KIF19: variants seen among roughly 807,000 people sequenced by gnomAD.
KIF19 encodes kinesin family member 19, also known as kinesin-like protein KIF19.
A neutral mutation model predicts 106.6 loss-of-function variants in KIF19; 98 were observed. The observed-to-expected ratio is 0.92, with a 90% CI of 0.78 to 1.09. The LOEUF (loss-of-function observed/expected upper bound fraction) is 1.09. Among genes scored for constraint, KIF19 ranks in the 50% least tolerant of loss-of-function variants. The pLI is 0.00. For missense variants in KIF19, 1,373 were observed against 1,414.3 expected (o/e 0.97, Z 0.47); for synonymous variants, 516 against 584.2 (o/e 0.88, Z 1.68).
At chr17:74,333,550 C>G (rs980251400) in intron 2 of KIF19, among the ~76,000 whole-genome samples, 1 of 151,802 alleles carries the variant, frequency 6.6e-6, no homozygotes, top group Non-Finnish European at 1.5e-5. Context: ...TTAGTAGAGA[C>G]GGGTTTCCTC....
intron 10 of KIF19, 117 bp from the exon 11 acceptor site, chr17:74,350,284 A>G: frequency 1.1e-6 from 1 of 923,272 alleles, no homozygotes; most frequent in African/African-American, 1.7e-5. Context: ...AAGCAGTTGG[A>G]CAGGAAGTGG....
In KIF19 at chr17:74,339,621, G is replaced by A. The variant is rs536722708; in HGVS notation, c.121-2255G>A. On this transcript the variant is annotated intron_variant, in intron 2 of 19. Coordinates refer to ENST00000389916, the MANE Select transcript of KIF19 (RefSeq NM_153209.4). ...CGCATGAGATGCCCATGCTGGCTGA[G>A]GCTGCCGTCATGCACTCCGTTCAGC... is the stretch of plus-strand genomic sequence containing the variant. Among the ~76,000 whole-genome samples the A allele has an allele frequency of 1.0e-3, 153 of 152,208 alleles. 1 individual carries two copies. The highest frequency in any genetic ancestry group is 1.9e-3 in the Non-Finnish European group (127 of 67,990).
chr17:74,340,073 G>T lies in KIF19; in HGVS notation c.121-1803G>T, dbSNP rs536625694. Reference sequence around the variant, plus strand: ...CCAAGCACATTACACGTTGTTCCAGGGTCTTCCCAGCGCTGCAGGTGGATC... The same window carrying T: ...CCAAGCACATTACACGTTGTTCCAGTGTCTTCCCAGCGCTGCAGGTGGATC... On this transcript the variant is annotated intron_variant, in intron 2 of 19. Transcript: ENST00000389916. Among the ~76,000 whole-genome samples, 6 of 152,234 alleles carry T rather than the reference G, an allele frequency of 3.9e-5. No homozygotes were observed. In the South Asian group the frequency reaches 1.0e-3, roughly 26 times the overall value.
rs184375611 is a variant in KIF19 at position 74,352,678 on chromosome 17, G to A, written c.1981-143G>A. On this transcript the variant is annotated intron_variant, in intron 14 of 19. Coordinates refer to ENST00000389916, the MANE Select transcript of KIF19 (RefSeq NM_153209.4). ...CTAGCAGACCACAGCTTAACCCCGA[G>A]GACCCAAACACAAGCCCACTGCCCT... 39 of 1,024,362 alleles carry A rather than the reference G, an allele frequency of 3.8e-5. No individual in the cohort carries two copies. The African/African-American group carries it at 5.4e-4, about 14-fold the overall frequency. The allele number at this position is 1,024,362 out of a possible 1,614,324, so 63.5% of individuals were successfully genotyped here.
intron 12 of KIF19, 44 bp from the exon 13 acceptor site, chr17:74,351,823 G>A: frequency 1.5e-6 from 2 of 1,370,480 alleles, no homozygotes; most frequent in Non-Finnish European, 1.9e-6. Flanking sequence ...AGGCGGATCG[G>A]ACCCCTCTCC....
chr17:74,333,361 A>ATTTTTTTTTTTTTTTT (rs35232394), intron 2 of KIF19, among the ~76,000 whole-genome samples: 1 of 129,482 alleles, frequency 7.7e-6, no homozygotes, highest in East Asian at 2.3e-4. Flanking sequence ...TGTGGTCCTA[A>ATTTTTTTTTTTTTTTT]TTTTTTTTTT....
At chr17:74,334,538 G>T (rs946058252) in intron 2 of KIF19, among the ~76,000 whole-genome samples, 11 of 152,144 alleles carry the variant, frequency 7.2e-5, no homozygotes, top group African/African-American at 2.2e-4. Flanking sequence ...CATCAGCCAG[G>T]TGTGGCTGTG....
intron 2 of KIF19, among the ~76,000 whole-genome samples, chr17:74,340,608 C>T (rs2054345091): frequency 6.6e-6 from 1 of 151,724 alleles, no homozygotes; most frequent in Admixed American, 6.5e-5. Context: ...GAGGGGAGCC[C>T]CAGCTGGGAT....
Position 74,350,553 on chromosome 17 carries a change from C to A in KIF19, c.1366C>A (p.Arg456=). The change falls in exon 11 of 20, where the codon CGA becomes AGA. Residue 456 remains arginine, a synonymous_variant. Coordinates refer to ENST00000389916, the MANE Select transcript of KIF19 (RefSeq NM_153209.4). ...RAMEVQIDTS[R]HLLTIAGWKH... ...CATGGAGGTCCAGATTGACACCTCCCGACACCTGCTCACCATCGCCGGGTA... is the reference window on the plus strand; with the variant it reads ...CATGGAGGTCCAGATTGACACCTCCAGACACCTGCTCACCATCGCCGGGTA... 6.2e-7 allele frequency: 1 copy of A among 1,612,874 alleles called. No homozygotes were observed. Among genetic ancestry groups the A allele is most frequent in the South Asian group, 1.1e-5 (1 of 91,028 alleles).
Position 74,344,214 on chromosome 17 carries a change from T to A in KIF19, c.457-9T>A. ...CCTTCCCCCACCCCTCCCCCACCTG[T>A]CCCGTCAGATCTACAATGAGATGAT... On this transcript the variant is annotated splice_polypyrimidine_tract_variant and intron_variant, in intron 5 of 19. Coordinates refer to ENST00000389916, the MANE Select transcript of KIF19 (RefSeq NM_153209.4). 3 of 1,609,188 alleles carry A rather than the reference T, an allele frequency of 1.9e-6. No individual in the cohort carries two copies. Among genetic ancestry groups the A allele is most frequent in the Non-Finnish European group, 8.5e-7 (1 of 1,178,042 alleles).
At chr17:74,351,328 C>CA (rs66627748) in intron 12 of KIF19, 21,029 of 79,236 alleles carry the variant, frequency 0.27, 2,079 homozygotes, top group Middle Eastern at 0.42. Context: ...ACTAAAAATA[C>CA]AAAAAAAAAA....
chr17:74,354,269 G>C lies in KIF19; in HGVS notation c.2416G>C (p.Glu806Gln). 6.2e-7 allele frequency: 1 copy of C among 1,608,532 alleles called. No individual in the cohort carries two copies. Among genetic ancestry groups the C allele is most frequent in the Non-Finnish European group, 8.5e-7 (1 of 1,179,306 alleles). Residue 806 changes from glutamate to glutamine, a missense_variant, in exon 18 of 20, where the codon GAG (glutamate) becomes CAG (glutamine). Glu to Gln is a conservative substitution (Grantham distance 29). Around this residue, in one of 3 missense-constraint regions of KIF19, gnomAD observed 1,020 missense variants for 1,008.2 expected, o/e 1.01. Coordinates refer to ENST00000389916, the MANE Select transcript of KIF19 (RefSeq NM_153209.4). ...EGRHLLAPAT[E>Q]RSSLSLHSLS... is the part of the protein sequence containing the mutation. The stretch of plus-strand genomic sequence containing the variant: ...GCGACACCTGCTGGCACCCGCGACA[G>C]AGCGCAGCAGCCTGTCCCTGCACTC...
chr17:74,332,299 G>A (rs1263996551), intron 2 of KIF19, among the ~76,000 whole-genome samples: 7 of 151,116 alleles, frequency 4.6e-5, no homozygotes, highest in African/African-American at 1.7e-4. Flanking sequence ...GGTGAGATCA[G>A]ACCCTAACGT....
rs562276344 is a variant in KIF19 at position 74,346,728 on chromosome 17, G to A, written c.924+204G>A. Among the ~76,000 whole-genome samples, 4 of 152,298 alleles carry A rather than the reference G, an allele frequency of 2.6e-5. No individual in the cohort carries two copies. Among genetic ancestry groups the A allele is most frequent in the Admixed American group, 2.0e-4 (3 of 15,300 alleles). ...GCATATCTGAAATTCAAATTTAACT[G>A]GGTATCCTGTATTTTATCTGACGAC... On this transcript the variant is annotated intron_variant, in intron 8 of 19. Coordinates refer to ENST00000389916, the MANE Select transcript of KIF19 (RefSeq NM_153209.4). The surrounding 1 kb of genome is among the most constrained non-coding windows in gnomAD (Gnocchi z 4.6).
intron 4 of KIF19, 29 bp downstream of exon 4, chr17:74,342,746 G>A: frequency 6.3e-7 from 1 of 1,574,902 alleles, no homozygotes; most frequent in East Asian, 2.2e-5. Context: ...CTGTGGGCGA[G>A]GACCGCAATG....
At position 74,354,215 on chromosome 17, in the gene KIF19, C is replaced by T. The variant is rs368454219; in HGVS notation, c.2362C>T (p.Arg788Trp). Residue 788 changes from arginine (R) to tryptophan (W), a missense_variant, in exon 18 of 20, where the codon CGG becomes TGG. Coordinates refer to ENST00000389916, the MANE Select transcript of KIF19 (RefSeq NM_153209.4). ...GTGCATCTGGGTGAAGGCCGCCCGG[C>T]GGCGCTCGCGGGCCCTGGGAACCGA... ...TKCIWVKAAR[R>W]RSRALGTEGR... is the part of the protein sequence containing the mutation. The T allele has an allele frequency of 1.7e-5, 28 of 1,609,144 alleles. No homozygotes were observed. The highest frequency in any genetic ancestry group is 9.9e-5 in the South Asian group (9 of 90,980).
In KIF19 at chr17:74,342,602, G is replaced by A. The variant is rs376348767; in HGVS notation, c.232-28G>A. On this transcript the variant is annotated intron_variant, in intron 3 of 19. Coordinates refer to ENST00000389916, the MANE Select transcript of KIF19 (RefSeq NM_153209.4). ...CTGTGCTGTGCCCCGCCTGTGTCCC[G>A]GCCCCTGACAGGCTTCCTTCCTCGC... The A allele has an allele frequency of 2.8e-5, 45 of 1,590,460 alleles. No individual in the cohort carries two copies. The East Asian group carries it at 4.0e-4, about 14-fold the overall frequency.
rs1439246616 is a variant in KIF19 at position 74,326,407 on chromosome 17, C to T, written c.39+19C>T. ...ACTCATGGTGAGACCCTTTTAGACCCTCCTCCCCACCCCGCTCCGTGGTCT... is the reference window on the plus strand; with the variant it reads ...ACTCATGGTGAGACCCTTTTAGACCTTCCTCCCCACCCCGCTCCGTGGTCT... On this transcript the variant is annotated intron_variant, in intron 1 of 19. Coordinates refer to ENST00000389916, the MANE Select transcript of KIF19 (RefSeq NM_153209.4). 1 of 1,610,456 alleles carries T rather than the reference C, an allele frequency of 6.2e-7. No individual in the cohort carries two copies. The highest frequency in any genetic ancestry group is 1.3e-5 in the African/African-American group (1 of 74,732).
At chr17:74,342,495 C>T (rs2054409110) in intron 3 of KIF19, 135 bp from the exon 4 acceptor site, 4 of 669,718 alleles carry the variant, frequency 6.0e-6, no homozygotes, top group Non-Finnish European at 1.0e-5. Context: ...CCTCCCCCAC[C>T]CCCCACCCCC....
Sources: gnomAD v4.1 joint callset for allele counts (sites outside exome capture counted in the v4.1 genomes callset) on GRCh38, gnomAD v4.1.1 for gene constraint, gnomAD v4.1.1 regional missense constraint, Gnocchi (gnomAD v3.1) non-coding constraint, MANE v1.5 for transcripts, NCBI Gene and HGNC (gene_info 2026-07-23, HGNC 2026-07-21) for gene names.